Variants in ENO4 observed in about 807,000 individuals in gnomAD.
The protein encoded by ENO4 is 2-phospho-D-glycerate hydro-lyase.
A neutral mutation model predicts 63.2 loss-of-function variants in ENO4; 53 were observed. That is an observed-to-expected ratio of 0.84 (90% CI 0.67 to 1.05). The LOEUF is 1.05. Among genes scored for constraint, ENO4 ranks in the 50% least tolerant of loss-of-function variants. The probability of loss-of-function intolerance (pLI) is 0.00; values close to 1 mark genes in which losing one functional copy is unlikely to be tolerated. For synonymous variants in ENO4, 266 were observed against 283.8 expected (o/e 0.94, Z 0.63); for missense variants, 719 against 772.0 (o/e 0.93, Z 0.81).
chr10:116,881,137 G>A (rs1846995535), intron 13 of ENO4, among the ~76,000 whole-genome samples: 2 of 152,178 alleles, frequency 1.3e-5, no homozygotes, highest in African/African-American at 4.8e-5. Context: ...GACCTGACTG[G>A]AATGGTCCTC....
intron 10 of ENO4, among the ~76,000 whole-genome samples, chr10:116,909,791 T>C (rs1194360010): frequency 6.6e-6 from 1 of 152,176 alleles, no homozygotes; most frequent in Non-Finnish European, 1.5e-5. Flanking sequence ...GTCTTACAAC[T>C]TGGGTCACAT....
At chr10:116,905,412 G>A (rs1309162435) in intron 10 of ENO4, among the ~76,000 whole-genome samples, 1 of 152,064 alleles carries the variant, frequency 6.6e-6, no homozygotes, top group Non-Finnish European at 1.5e-5. Context: ...TGTTTTGGGG[G>A]GCACAGTAGG....
chr10:116,870,750 C>A (rs572742987), intron 8 of ENO4, among the ~76,000 whole-genome samples: 1 of 152,126 alleles, frequency 6.6e-6, no homozygotes, highest in Admixed American at 6.6e-5. Flanking sequence ...AGGAAAAGGA[C>A]TGGCAGAGCT....
chr10:116,874,517 C>A (rs1395672180), intron 10 of ENO4, among the ~76,000 whole-genome samples: 1 of 152,176 alleles, frequency 6.6e-6, no homozygotes, highest in South Asian at 2.1e-4. Context: ...TATTTACAAG[C>A]AACCTAACAG....
In ENO4 at chr10:116,879,287, C is replaced by T; in HGVS notation, c.1538-4C>T. 1.9e-6 allele frequency: 3 copies of T among 1,545,570 alleles called. No individual in the cohort carries two copies. Among genetic ancestry groups the T allele is most frequent in the African/African-American group, 1.4e-5 (1 of 72,924 alleles). ...TATAAAACTGAAAGAAATTCCTCTTCCAGGTAAGAAGCACATCACTGTCTT... is the reference window on the plus strand; with the variant it reads ...TATAAAACTGAAAGAAATTCCTCTTTCAGGTAAGAAGCACATCACTGTCTT... On this transcript the variant is annotated splice_region_variant and splice_polypyrimidine_tract_variant and intron_variant, in intron 11 of 13. Transcript: ENST00000341276.
chr10:116,879,232 GGCCCACATGT>G lies in ENO4; in HGVS notation c.1538-58_1538-49del, dbSNP rs929468055. ...AGAAATTTTAAATTTTGATCCCAGAGGCCCACATGTATCCTAACTTTCTACACCATATAAA... is the reference window on the plus strand; with the variant it reads ...AGAAATTTTAAATTTTGATCCCAGAGATCCTAACTTTCTACACCATATAAA... On this transcript the variant is annotated intron_variant, in intron 11 of 13. Transcript: ENST00000341276. 3.6e-4 allele frequency: 434 copies of G among 1,218,958 alleles called. 3 individuals carry two copies. In the African/African-American group the frequency reaches 5.9e-3, roughly 17 times the overall value. The allele number at this position is 1,218,958 out of a possible 1,614,324, so 75.5% of individuals were successfully genotyped here.
intron 10 of ENO4, among the ~76,000 whole-genome samples, chr10:116,894,948 G>C (rs1589781198): frequency 6.6e-6 from 1 of 152,152 alleles, no homozygotes; most frequent in South Asian, 2.1e-4. Context: ...CATACTGAAG[G>C]CCCACATATC....
rs200045766 is a variant in ENO4 at position 116,906,651 on chromosome 10, C to A, written c.1195-4848C>A. ...CTACTGCTATCTGCTTCTGCTGTCA[C>A]CTTTCTGCGACGCAAAATCCTTTCT... On this transcript the variant is annotated intron_variant, in intron 10 of 10. Coordinates refer to the ENO4 transcript ENST00000369207. The A allele has an allele frequency of 2.3e-5, 37 of 1,613,328 alleles. No homozygotes were observed. The Middle Eastern group carries it at 6.6e-4, about 29-fold the overall frequency.
chr10:116,903,398 G>A (rs745438690), intron 10 of ENO4, among the ~76,000 whole-genome samples: 4 of 152,076 alleles, frequency 2.6e-5, no homozygotes, highest in South Asian at 4.1e-4. Context: ...GATGGTGGGC[G>A]CCTGTAATCC....
intron 10 of ENO4, among the ~76,000 whole-genome samples, chr10:116,887,626 G>A (rs781589111): frequency 9.2e-5 from 14 of 152,102 alleles, no homozygotes; most frequent in Admixed American, 7.2e-4. Context: ...GGTCAGAGCT[G>A]GCAGGAGACA....
intron 10 of ENO4, among the ~76,000 whole-genome samples, chr10:116,892,891 C>T (rs1035497021): frequency 6.6e-6 from 1 of 152,046 alleles, no homozygotes; most frequent in African/African-American, 2.4e-5. Flanking sequence ...TGAAAAATGG[C>T]TAAGAAAACT....
chr10:116,878,308 A>G (rs1846892341), intron 11 of ENO4, among the ~76,000 whole-genome samples: 1 of 152,210 alleles, frequency 6.6e-6, no homozygotes, highest in African/African-American at 2.4e-5. Flanking sequence ...GGTTGGTGCC[A>G]GAGGATGGAA....
At chr10:116,853,987 T>C (rs1034701882) in intron 1 of ENO4, among the ~76,000 whole-genome samples, 15 of 152,150 alleles carry the variant, frequency 9.9e-5, no homozygotes, top group Non-Finnish European at 2.1e-4. Context: ...CTCCTTCTAG[T>C]CTCTCCTAGC....
intron 4 of ENO4, among the ~76,000 whole-genome samples, chr10:116,860,519 T>TTATGTA (rs1022042226): frequency 1.3e-5 from 2 of 152,222 alleles, no homozygotes; most frequent in Admixed American, 6.5e-5. Flanking sequence ...AAGCCCCAGT[T>TTATGTA]TATGTATATG....
intron 10 of ENO4, among the ~76,000 whole-genome samples, chr10:116,906,017 C>G (rs1847955357): frequency 6.6e-6 from 1 of 152,230 alleles, no homozygotes; most frequent in East Asian, 1.9e-4. Flanking sequence ...ACTCAGTTCA[C>G]AGGCAGGCAC....
chr10:116,871,204 T>C lies in ENO4; in HGVS notation c.1127T>C (p.Ile376Thr), dbSNP rs569337651. Reference sequence around the variant, plus strand: ...TCCATAGAACAGCCACTGCTTCTAATACAGGAAATCTGTGCCAACCTGGGG... The same window carrying C: ...TCCATAGAACAGCCACTGCTTCTAACACAGGAAATCTGTGCCAACCTGGGG... The part of the protein sequence containing the change: ...CDSIEQPLLL[I>T]QEICANLGLE... Residue 376 changes from isoleucine (I) to threonine (T), a missense_variant, in exon 9 of 14, where the codon ATA (isoleucine) becomes ACA (threonine). Physicochemically the swap from Ile to Thr is moderately conservative, Grantham distance 89. Coordinates refer to ENST00000341276, the MANE Select transcript of ENO4 (RefSeq NM_001242699.2). 1.9e-6 allele frequency: 3 copies of C among 1,550,532 alleles called. No individual in the cohort carries two copies. The highest frequency in any genetic ancestry group is 1.4e-5 in the African/African-American group (1 of 73,158).
At chr10:116,903,805 T>C (rs1225271092) in intron 10 of ENO4, among the ~76,000 whole-genome samples, 5 of 152,160 alleles carry the variant, frequency 3.3e-5, no homozygotes. Context: ...GGAAGGCAAT[T>C]AGTGAGCTAA....
intron 10 of ENO4, among the ~76,000 whole-genome samples, chr10:116,900,114 G>C (rs1847679265): frequency 6.6e-6 from 1 of 152,134 alleles, no homozygotes; most frequent in African/African-American, 2.4e-5. Flanking sequence ...TTCCAGAAAG[G>C]TGCTCTTATT....
At chr10:116,876,580 T>C (rs1589763499) in intron 11 of ENO4, among the ~76,000 whole-genome samples, 1 of 152,242 alleles carries the variant, frequency 6.6e-6, no homozygotes, top group East Asian at 1.9e-4. Context: ...GCTGATTTCT[T>C]ACGAAAGGGC....
Sources: allele counts gnomAD v4.1 joint callset (sites outside exome capture counted in the v4.1 genomes callset), GRCh38; gene constraint gnomAD v4.1.1; transcripts MANE v1.5; gene names NCBI Gene and HGNC (gene_info 2026-07-23, HGNC 2026-07-21).